The following CWF19L2 variants were observed in gnomAD, a reference collection of about 807,000 sequenced individuals.
The protein encoded by CWF19L2 is CWF19-like protein 2.
Under a neutral mutation model 111.7 loss-of-function variants are expected in CWF19L2, and 98 were observed. The ratio of observed to expected loss-of-function variants is 0.88; its 90% confidence interval spans 0.75 to 1.04. The LOEUF (loss-of-function observed/expected upper bound fraction) is 1.04. Ranked by LOEUF, CWF19L2 falls within the 50% of genes least tolerant of loss-of-function variation. The pLI is 0.00. For missense variants in CWF19L2, 1,101 were observed against 1,051.4 expected (o/e 1.05, Z -0.65); for synonymous variants, 351 against 342.9 (o/e 1.02, Z -0.26).
intron 12 of CWF19L2, among the ~76,000 whole-genome samples, chr11:107,369,932 G>A (rs1390870219): frequency 7.3e-6 from 1 of 137,330 alleles, no homozygotes; most frequent in Non-Finnish European, 1.6e-5. Flanking sequence ...TTTTAGAGAC[G>A]GGATCTCACT....
chr11:107,412,672 C>T (rs1012970579), intron 10 of CWF19L2, among the ~76,000 whole-genome samples: 1 of 152,160 alleles, frequency 6.6e-6, no homozygotes, highest in Non-Finnish European at 1.5e-5. Context: ...TCTGTCCACA[C>T]AAAAAACTGC....
chr11:107,393,523 A>G (rs1204468112), intron 10 of CWF19L2, among the ~76,000 whole-genome samples: 3 of 152,216 alleles, frequency 2.0e-5, no homozygotes, highest in African/African-American at 4.8e-5. Context: ...AATAATCATT[A>G]AAGAATATTA....
At chr11:107,388,620 T>C (rs2134592538) in intron 12 of CWF19L2, among the ~76,000 whole-genome samples, 1 of 152,274 alleles carries the variant, frequency 6.6e-6, no homozygotes, top group South Asian at 2.1e-4. Flanking sequence ...GACCTCATGA[T>C]CTGCCTGCCT....
intron 12 of CWF19L2, among the ~76,000 whole-genome samples, chr11:107,371,761 G>A (rs1000353825): frequency 7.3e-6 from 1 of 136,998 alleles, no homozygotes; most frequent in African/African-American, 2.9e-5. Context: ...ACCTGAAGAT[G>A]ACAATTTCTC....
Position 107,433,653 on chromosome 11 carries a change from A to G in CWF19L2, c.761T>C (p.Ile254Thr). Residue 254 changes from isoleucine to threonine, a missense_variant, in exon 7 of 18, where the codon ATT becomes ACT. Ile to Thr is a moderately conservative substitution (Grantham distance 89, BLOSUM62 -1). Coordinates refer to ENST00000282251, the MANE Select transcript of CWF19L2 (RefSeq NM_152434.3). ...ACTCACCCCATATCTTTCGGCTACA[A>G]TGTCCTCAAAGTTTCTACTTTGTTT... is the stretch of plus-strand genomic sequence containing the variant. ...AEKQSRNFED[I>T]VAERYGSMEI... The G allele has an allele frequency of 3.8e-6, 6 of 1,566,382 alleles. No homozygotes were observed. The highest frequency in any genetic ancestry group is 5.2e-6 in the Non-Finnish European group (6 of 1,152,652).
intron 3 of CWF19L2, among the ~76,000 whole-genome samples, chr11:107,450,266 A>T (rs1157006083): frequency 6.6e-6 from 1 of 152,210 alleles, no homozygotes; most frequent in Non-Finnish European, 1.5e-5. Context: ...CATAGGCTAG[A>T]ATATAAAATG....
At chr11:107,369,240 G>A (rs2134568276) in intron 12 of CWF19L2, among the ~76,000 whole-genome samples, 1 of 137,288 alleles carries the variant, frequency 7.3e-6, no homozygotes, top group East Asian at 2.1e-4. Context: ...AGCTCCTTGT[G>A]GTAGTCTGTT....
intron 12 of CWF19L2, among the ~76,000 whole-genome samples, chr11:107,373,282 G>A (rs1395680621): frequency 7.9e-6 from 1 of 125,996 alleles, no homozygotes; most frequent in Non-Finnish European, 1.6e-5. Context: ...GCTCAAGGAG[G>A]ACTGCCTGCC....
intron 3 of CWF19L2, among the ~76,000 whole-genome samples, chr11:107,443,458 G>A (rs1381330213): frequency 3.3e-5 from 5 of 151,894 alleles, no homozygotes; most frequent in Non-Finnish European, 5.9e-5. Context: ...ACTCCAACCT[G>A]GGCCACAGAG....
chr11:107,438,865 T>C (rs1283175686), intron 6 of CWF19L2, among the ~76,000 whole-genome samples: 4 of 151,992 alleles, frequency 2.6e-5, no homozygotes, highest in South Asian at 4.2e-4. Flanking sequence ...CTGGGCAACA[T>C]GGTGAAACCA....
rs544539776 is a variant in CWF19L2, at chr11:107,370,960, T to C, written c.1873-17224A>G. On this transcript the variant is annotated intron_variant, in intron 12 of 17. Coordinates refer to ENST00000282251, the MANE Select transcript of CWF19L2 (RefSeq NM_152434.3). ...TTTAAGAAAACTATTTAACAAAAAT[T>C]ATTCTTTTTCGAGAAAACTGCTATT... Among the ~76,000 whole-genome samples the C allele has an allele frequency of 2.8e-4, 38 of 136,972 alleles. 7 individuals carry two copies. The highest frequency in any genetic ancestry group is 5.1e-4 in the Non-Finnish European group (33 of 64,130). The allele number at this position is 136,972 out of a possible 152,430, so 89.9% of individuals were successfully genotyped here.
At chr11:107,355,415 CAAAA>C (rs5794543) in intron 12 of CWF19L2, among the ~76,000 whole-genome samples, 7 of 141,558 alleles carry the variant, frequency 4.9e-5, no homozygotes, top group African/African-American at 7.6e-5. Flanking sequence ...AACTCCGTCT[CAAAA>C]AAAAAAAAAA....
intron 14 of CWF19L2, among the ~76,000 whole-genome samples, chr11:107,342,799 T>C (rs942113217): frequency 1.3e-5 from 2 of 152,138 alleles, no homozygotes; most frequent in Non-Finnish European, 2.9e-5. Flanking sequence ...CTGGATTGCC[T>C]GGGTATATCT....
At chr11:107,436,445 A>G (rs1414874930) in intron 6 of CWF19L2, among the ~76,000 whole-genome samples, 3 of 152,244 alleles carry the variant, frequency 2.0e-5, no homozygotes, top group Non-Finnish European at 4.4e-5. Flanking sequence ...ACTCTCTCAG[A>G]AAACAGACTA....
Position 107,326,932 on chromosome 11 carries a change from A to G in CWF19L2, c.2663T>C (p.Phe888Ser). ...QFAQWWKPYD[F>S]TKSKNY Reference sequence around the variant, plus strand: ...ACCTCAATAGTTTTTACTTTTGGTGAAGTCATATGGTTTCCACCACTGAGC... The same window carrying G: ...ACCTCAATAGTTTTTACTTTTGGTGGAGTCATATGGTTTCCACCACTGAGC... Residue 888 changes from phenylalanine to serine, a missense_variant, in exon 18 of 18, where the codon TTC (phenylalanine) becomes TCC (serine). Phe to Ser is a radical substitution (Grantham distance 155, BLOSUM62 -2). Coordinates refer to ENST00000282251, the MANE Select transcript of CWF19L2 (RefSeq NM_152434.3). 1 of 1,600,118 alleles carries G rather than the reference A, an allele frequency of 6.2e-7. No homozygotes were observed. The highest frequency in any genetic ancestry group is 8.5e-7 in the Non-Finnish European group (1 of 1,175,238).
chr11:107,373,168 C>T (rs1360923856), intron 12 of CWF19L2, among the ~76,000 whole-genome samples: 2 of 127,016 alleles, frequency 1.6e-5, no homozygotes, highest in African/African-American at 3.4e-5. Context: ...TGAGATCAAA[C>T]TGCAAGGCGG....
At chr11:107,438,971 G>A in intron 6 of CWF19L2, 119 bp downstream of exon 6, 1 of 558,232 alleles carries the variant, frequency 1.8e-6, no homozygotes, top group Non-Finnish European at 3.1e-6. Context: ...GGGGGAGGTG[G>A]AGGCTGCAGT....
chr11:107,376,230 T>C lies in CWF19L2; in HGVS notation c.1872+13844A>G, dbSNP rs1291701192. Among the ~76,000 whole-genome samples the C allele has an allele frequency of 4.4e-4, 49 of 110,262 alleles. 2 individuals carry two copies. The highest frequency in any genetic ancestry group is 1.9e-3 in the African/African-American group (45 of 24,238). The allele number at this position is 110,262 out of a possible 152,430, so 72.3% of individuals were successfully genotyped here. A position where few individuals can be genotyped will look rare whatever the true frequency, so the allele number is the denominator to read the frequency against. ...TTCCTTCTGAAACTATTCCAATCAA[T>C]AGAAAAAGAGGGAATCCTCCCTAAC... On this transcript the variant is annotated intron_variant, in intron 12 of 17. Transcript: ENST00000282251.
In CWF19L2 at chr11:107,393,278, A is replaced by AT. The variant is rs991214703; in HGVS notation, c.1618-384_1618-383insA. On this transcript the variant is annotated intron_variant, in intron 10 of 17. Transcript: ENST00000282251. Reference sequence around the variant, plus strand: ...TCTGATTATAAGAAATAAAACAACTAAAGACAAACTTGCTAAATTAGCAAA... The same window carrying AT: ...TCTGATTATAAGAAATAAAACAACTATAAGACAAACTTGCTAAATTAGCAAA... Among the ~76,000 whole-genome samples, 27 of 152,190 alleles carry AT rather than the reference A, an allele frequency of 1.8e-4. 1 individual carries two copies. Among genetic ancestry groups the AT allele is most frequent in the Non-Finnish European group, 4.4e-5 (3 of 67,996 alleles).
Sources: gnomAD v4.1 joint callset for allele counts (sites outside exome capture counted in the v4.1 genomes callset) on GRCh38, gnomAD v4.1.1 for gene constraint, MANE v1.5 for transcripts, NCBI Gene and HGNC (gene_info 2026-07-23, HGNC 2026-07-21) for gene names.